The following SH3RF2 variants were observed in gnomAD, a reference collection of about 807,000 sequenced individuals.
SH3RF2 encodes SH3 domain containing ring finger 2.
Under a neutral mutation model 59.0 loss-of-function variants are expected in SH3RF2, and 43 were observed. The ratio of observed to expected loss-of-function variants is 0.73; its 90% CI spans 0.57 to 0.94. The LOEUF (loss-of-function observed/expected upper bound fraction) is 0.94. Ranked by LOEUF, SH3RF2 falls within the 40% of genes least tolerant of loss-of-function variation. The pLI, the probability that SH3RF2 is intolerant of heterozygous loss-of-function variation, is 0.00. For synonymous variants in SH3RF2, 391 were observed against 391.5 expected (o/e 1.00, Z 0.01); for missense variants, 930 against 940.1 (o/e 0.99, Z 0.14).
chr5:145,955,369 T>C (rs540050690), intron 2 of SH3RF2, among the ~76,000 whole-genome samples: 157 of 152,156 alleles, frequency 1.0e-3, no homozygotes, highest in African/African-American at 3.7e-3. Flanking sequence ...CTCATGGTCA[T>C]AAAGATGGCA....
At chr5:146,015,430 T>C (rs1183042916) in intron 5 of SH3RF2, among the ~76,000 whole-genome samples, 1 of 152,102 alleles carries the variant, frequency 6.6e-6, no homozygotes, top group South Asian at 2.1e-4. Flanking sequence ...TAATAGATGC[T>C]TTATGCCCAA....
In SH3RF2 at chr5:145,979,187, C is replaced by T. The variant is rs1398544757; in HGVS notation, c.379-20871C>T. 2.0e-5 allele frequency among the ~76,000 whole-genome samples: 3 copies of T among 152,290 alleles called. No homozygotes were observed. The South Asian group carries it at 6.2e-4, about 32-fold the overall frequency. ...CCCCAGACCAGCAGGATTACCATCA[C>T]CTGGGGGAACTGGCTAGAAACACAA... On this transcript the variant is annotated intron_variant, in intron 2 of 9. Transcript: ENST00000359120.
At chr5:145,955,432 T>C (rs989628523) in intron 2 of SH3RF2, among the ~76,000 whole-genome samples, 1 of 152,054 alleles carries the variant, frequency 6.6e-6, no homozygotes, top group Non-Finnish European at 1.5e-5. Context: ...GGGATAAGGA[T>C]TGAAAAACTA....
intron 5 of SH3RF2, among the ~76,000 whole-genome samples, chr5:146,028,522 T>C (rs1216627167): frequency 6.6e-6 from 1 of 152,244 alleles, no homozygotes; most frequent in African/African-American, 2.4e-5. Flanking sequence ...AAGATCATTG[T>C]TGCGGCGGCC....
intron 2 of SH3RF2, among the ~76,000 whole-genome samples, chr5:145,939,833 CA>C (rs2149937165): frequency 6.6e-6 from 1 of 152,296 alleles, no homozygotes; most frequent in African/African-American, 2.4e-5. Flanking sequence ...CCCCACCTTG[CA>C]GAAGTCTGAC....
Position 145,939,805 on chromosome 5 carries a change from C to G in SH3RF2, c.378+1499C>G, listed in dbSNP as rs570967531. Among the ~76,000 whole-genome samples the G allele has an allele frequency of 6.6e-5, 10 of 152,272 alleles. No individual in the cohort carries two copies. The South Asian group carries it at 1.9e-3, about 28-fold the overall frequency. ...CAAATCCCCCTTGAATTCCTAAGAC[C>G]TAGCAACCTCTTCCCTTCCCCACCT... On this transcript the variant is annotated intron_variant, in intron 2 of 9. Transcript: ENST00000359120.
At chr5:146,064,790 A>AG (rs1763045302), downstream of SH3RF2, among the ~76,000 whole-genome samples, 1 of 33,130 alleles carries the variant, frequency 3.0e-5, no homozygotes, top group African/African-American at 1.1e-4. Flanking sequence ...GAAGGAAGGA[A>AG]GGAAGGAAGG....
chr5:146,026,869 C>T (rs908026639), intron 5 of SH3RF2, among the ~76,000 whole-genome samples: 5 of 152,044 alleles, frequency 3.3e-5, no homozygotes, highest in South Asian at 4.1e-4. Context: ...AAGATGGCTG[C>T]GAGGATAAAA....
Position 146,063,146 on chromosome 5 carries a change from T to G in SH3RF2, c.*445T>G, listed in dbSNP as rs1762961302. ...CATTAGAACAACTTCTGCCATCTTC[T>G]GGGGCCTGTACACTGGCCACTAGTA... On this transcript the variant is annotated 3_prime_UTR_variant, in exon 10 of 10. Coordinates refer to ENST00000359120, the MANE Select transcript of SH3RF2 (RefSeq NM_152550.4). The G allele has an allele frequency of 5.8e-6, 1 of 172,002 alleles. No individual in the cohort carries two copies. The highest frequency in any genetic ancestry group is 6.0e-5 in the Admixed American group (1 of 16,732). The allele number at this position is 172,002 out of a possible 1,614,324, so 10.7% of individuals were successfully genotyped here. A position where few individuals can be genotyped will look rare whatever the true frequency, so the allele number is the denominator to read the frequency against.
chr5:146,020,271 G>A (rs1258651448), intron 5 of SH3RF2, among the ~76,000 whole-genome samples: 1 of 151,976 alleles, frequency 6.6e-6, no homozygotes, highest in African/African-American at 2.4e-5. Flanking sequence ...TCACTTCCTG[G>A]TCTCCCAGGT....
intron 2 of SH3RF2, among the ~76,000 whole-genome samples, chr5:145,948,500 G>A (rs750946976): frequency 4.6e-5 from 7 of 152,214 alleles, no homozygotes; most frequent in Non-Finnish European, 1.0e-4. Flanking sequence ...GTAAGAGAAC[G>A]TGGATCATTC....
intron 5 of SH3RF2, among the ~76,000 whole-genome samples, chr5:146,042,422 CT>C (rs1385480415): frequency 2.0e-5 from 3 of 152,180 alleles, no homozygotes; most frequent in African/African-American, 7.2e-5. Flanking sequence ...ATATGGATTA[CT>C]TTATTTAACC....
intron 4 of SH3RF2, among the ~76,000 whole-genome samples, chr5:146,008,574 G>A (rs909068333): frequency 1.3e-5 from 2 of 152,030 alleles, no homozygotes; most frequent in Non-Finnish European, 2.9e-5. Flanking sequence ...TTCCTAATTG[G>A]TCCCCCTATT....
downstream of SH3RF2, among the ~76,000 whole-genome samples, chr5:146,067,814 T>C (rs549929546): frequency 3.3e-5 from 5 of 152,280 alleles, no homozygotes; most frequent in South Asian, 1.0e-3. Context: ...CCTCAGGTCC[T>C]CCCCATCGCT....
intron 9 of SH3RF2, among the ~76,000 whole-genome samples, chr5:146,073,302 G>C (rs1315151234): frequency 1.3e-5 from 2 of 152,234 alleles, no homozygotes; most frequent in East Asian, 3.8e-4. Context: ...TTAGGGCTGT[G>C]TGTACCCCAG....
intron 2 of SH3RF2, among the ~76,000 whole-genome samples, chr5:145,938,567 G>A (rs530193157): frequency 6.6e-6 from 1 of 152,276 alleles, no homozygotes; most frequent in Non-Finnish European, 1.5e-5. Context: ...GTAGAACAAG[G>A]AAAGCCTTTT....
Position 146,062,763 on chromosome 5 carries a change from C to T in SH3RF2, c.*62C>T. On this transcript the variant is annotated 3_prime_UTR_variant, in exon 10 of 10. Coordinates refer to ENST00000359120, the MANE Select transcript of SH3RF2 (RefSeq NM_152550.4). ...AATTGCATTTAAATACAGTCTGCCTCCACTGAGGGCATCCTGCCATTCTTT... is the reference window on the plus strand; with the variant it reads ...AATTGCATTTAAATACAGTCTGCCTTCACTGAGGGCATCCTGCCATTCTTT... The T allele has an allele frequency of 6.5e-7, 1 of 1,548,228 alleles. No homozygotes were observed. The highest frequency in any genetic ancestry group is 8.7e-7 in the Non-Finnish European group (1 of 1,144,318).
intron 2 of SH3RF2, among the ~76,000 whole-genome samples, chr5:145,940,289 A>G (rs562371789): frequency 6.6e-6 from 1 of 152,236 alleles, no homozygotes; most frequent in South Asian, 2.1e-4. Context: ...CAATTCCTTT[A>G]TGTCCTAACT....
At chr5:145,956,568 G>T (rs999946340) in intron 2 of SH3RF2, among the ~76,000 whole-genome samples, 1 of 152,186 alleles carries the variant, frequency 6.6e-6, no homozygotes, top group Non-Finnish European at 1.5e-5. Context: ...GAGACACTGC[G>T]CCTGGCCATC....
Sources: gnomAD v4.1 joint callset for allele counts (sites outside exome capture counted in the v4.1 genomes callset) on GRCh38, gnomAD v4.1.1 for gene constraint, MANE v1.5 for transcripts, NCBI Gene and HGNC (gene_info 2026-07-23, HGNC 2026-07-21) for gene names.